Variants in SLX4IP observed in about 807,000 individuals in gnomAD.
The protein encoded by SLX4IP is protein SLX4IP.
In SLX4IP, 34 loss-of-function variants were observed where a neutral mutation model predicts 32.9. The ratio of observed to expected loss-of-function variants is 1.03; its 90% CI spans 0.79 to 1.38. The LOEUF is 1.38. Among genes scored for constraint, SLX4IP ranks in the 40% most tolerant of loss-of-function variants. The probability of loss-of-function intolerance (pLI) is 0.00; values close to 1 mark genes in which losing one functional copy is unlikely to be tolerated. For missense variants in SLX4IP, 444 were observed against 479.0 expected, an observed-to-expected ratio of 0.93 and a Z score of 0.68; for synonymous variants, 172 against 171.7, an observed-to-expected ratio of 1.00 and a Z score of -0.01.
intron 6 of SLX4IP, among the ~76,000 whole-genome samples, chr20:10,605,400 G>T (rs1285740927): frequency 6.6e-6 from 1 of 152,150 alleles, no homozygotes; most frequent in Non-Finnish European, 1.5e-5. Flanking sequence ...GCAGATCAAG[G>T]CTGCTGAAGG....
intron 5 of SLX4IP, 150 bp from the exon 6 acceptor site, chr20:10,601,581 A>G (rs2066842244): frequency 1.6e-6 from 1 of 635,406 alleles, no homozygotes; most frequent in Non-Finnish European, 2.7e-6. Flanking sequence ...ATTGACGGCA[A>G]ACACCGAAAG....
At chr20:10,489,757 C>T (rs2065605246) in intron 2 of SLX4IP, among the ~76,000 whole-genome samples, 1 of 152,304 alleles carries the variant, frequency 6.6e-6, no homozygotes, top group East Asian at 1.9e-4. Context: ...TTCCTTTGTA[C>T]TCCTCAGTGA....
At chr20:10,567,546 A>G (rs73896590) in intron 4 of SLX4IP, among the ~76,000 whole-genome samples, 2 of 152,268 alleles carry the variant, frequency 1.3e-5, no homozygotes, top group African/African-American at 2.4e-5. Flanking sequence ...CTCATCCTCC[A>G]CAACTGTGAG....
chr20:10,436,088 A>G (rs1443358674), intron 1 of SLX4IP, among the ~76,000 whole-genome samples: 1 of 152,068 alleles, frequency 6.6e-6, no homozygotes, highest in Non-Finnish European at 1.5e-5. Flanking sequence ...GTAGGAATTA[A>G]TGGTATTGAC....
At chr20:10,608,721 CA>C (rs2066933286) in intron 6 of SLX4IP, among the ~76,000 whole-genome samples, 1 of 148,242 alleles carries the variant, frequency 6.7e-6, no homozygotes, top group Admixed American at 6.7e-5. Context: ...GGCACTTATA[CA>C]GTATTAATTT....
chr20:10,593,389 A>G (rs1199122977), intron 4 of SLX4IP, among the ~76,000 whole-genome samples: 1 of 152,108 alleles, frequency 6.6e-6, no homozygotes, highest in African/African-American at 2.4e-5. Flanking sequence ...AATGGCTGGC[A>G]TTTTAAAAGA....
chr20:10,588,995 G>A (rs759775842), intron 4 of SLX4IP, among the ~76,000 whole-genome samples: 30 of 151,656 alleles, frequency 2.0e-4, no homozygotes, highest in Non-Finnish European at 4.0e-4. Flanking sequence ...GCCTGATTGT[G>A]GTAATCATTT....
At chr20:10,614,123 T>TC in intron 6 of SLX4IP, 1 of 1,466,274 alleles carries the variant, frequency 6.8e-7, no homozygotes. Flanking sequence ...GGTAGCCTCG[T>TC]CGGACCTCGC....
chr20:10,511,142 C>A (rs1429968452), intron 2 of SLX4IP, among the ~76,000 whole-genome samples: 3 of 152,128 alleles, frequency 2.0e-5, no homozygotes, highest in Non-Finnish European at 4.4e-5. Flanking sequence ...TGATGGTGGT[C>A]CTTTAAAACT....
At chr20:10,498,684 C>CT (rs34070774) in intron 2 of SLX4IP, among the ~76,000 whole-genome samples, 51 of 141,238 alleles carry the variant, frequency 3.6e-4, no homozygotes, top group East Asian at 1.8e-3. Flanking sequence ...CTTTTCTTTT[C>CT]TTTTTTTTTT....
intron 2 of SLX4IP, among the ~76,000 whole-genome samples, chr20:10,543,370 T>C (rs2066128968): frequency 6.6e-6 from 1 of 152,224 alleles, no homozygotes; most frequent in Non-Finnish European, 1.5e-5. Flanking sequence ...CAAGTGGAGA[T>C]GCACAGTAGG....
intron 2 of SLX4IP, among the ~76,000 whole-genome samples, chr20:10,481,195 G>A (rs973428072): frequency 2.0e-5 from 3 of 151,812 alleles, no homozygotes; most frequent in African/African-American, 7.3e-5. Context: ...GTGCAGTTTT[G>A]TTACCTGGAT....
intron 4 of SLX4IP, among the ~76,000 whole-genome samples, chr20:10,561,431 A>T (rs1037707572): frequency 4.6e-5 from 7 of 151,630 alleles, no homozygotes; most frequent in African/African-American, 1.7e-4. Context: ...TATGAGCTCA[A>T]TTTTTTTAAT....
chr20:10,481,377 TTGTC>T (rs2065519872), intron 2 of SLX4IP, among the ~76,000 whole-genome samples: 1 of 152,210 alleles, frequency 6.6e-6, no homozygotes, highest in Admixed American at 6.5e-5. Flanking sequence ...TTGGAATCCA[TTGTC>T]TGTTCCATTT....
At chr20:10,560,218 A>C (rs1014687864) in intron 3 of SLX4IP, among the ~76,000 whole-genome samples, 5 of 152,162 alleles carry the variant, frequency 3.3e-5, no homozygotes, top group Non-Finnish European at 1.5e-5. Context: ...CCAGCAGTGG[A>C]TGAATATGCC....
At chr20:10,556,104 T>G in intron 2 of SLX4IP, 127 bp from the exon 3 acceptor site, 2 of 699,824 alleles carry the variant, frequency 2.9e-6, no homozygotes, top group East Asian at 2.9e-5. Context: ...TATTAAAAGT[T>G]CTGTCTAGTA....
intron 1 of SLX4IP, among the ~76,000 whole-genome samples, chr20:10,453,347 C>T (rs1056516957): frequency 1.7e-5 from 2 of 116,244 alleles, no homozygotes; most frequent in African/African-American, 5.9e-5. Context: ...TCTTCCTGGA[C>T]GTGCCTCTCC....
At position 10,598,689 on chromosome 20, in the gene SLX4IP, ATCACAGCCTATTT is replaced by A. The variant is rs773730225; in HGVS notation, c.254_266del (p.Ile85ThrfsTer40). ...TCACTTTCCAGGTTATGGCTTTCAA[ATCACAGCCTATTT>A]CCTCAAGAGAGGGATACGCCTTCGC... On this transcript the variant is annotated frameshift_variant, in exon 5 of 8. Transcript: ENST00000334534. LOFTEE classifies it high-confidence loss of function. 4 of 1,614,166 alleles carry A rather than the reference ATCACAGCCTATTT, an allele frequency of 2.5e-6. No individual in the cohort carries two copies. The highest frequency in any genetic ancestry group is 1.7e-6 in the Non-Finnish European group (2 of 1,179,994).
At chr20:10,467,583 G>C (rs772717133) in intron 2 of SLX4IP, among the ~76,000 whole-genome samples, 1 of 152,222 alleles carries the variant, frequency 6.6e-6, no homozygotes, top group Non-Finnish European at 1.5e-5. Context: ...CGAGTTTGCA[G>C]AGTGGTTGAT....
Sources: allele counts gnomAD v4.1 joint callset (sites outside exome capture counted in the v4.1 genomes callset), GRCh38; gene constraint gnomAD v4.1.1; transcripts MANE v1.5; gene names NCBI Gene and HGNC (gene_info 2026-07-23, HGNC 2026-07-21).